Variants in BSX observed in about 807,000 individuals in gnomAD.
BSX encodes the protein brain specific homeobox, also known as brain-specific homeobox protein homolog.
In BSX, 12 loss-of-function variants were observed where a neutral mutation model predicts 16.9. The ratio of observed to expected loss-of-function variants is 0.71; its 90% CI spans 0.46 to 1.15. BSX has a LOEUF of 1.15. Ranked by LOEUF, BSX falls within the 50% of genes most tolerant of loss-of-function variation. The probability of loss-of-function intolerance (pLI) is 0.00; values close to 1 mark genes in which losing one functional copy is unlikely to be tolerated. For synonymous variants in BSX, 160 were observed against 136.4 expected (o/e 1.17, Z -1.20); for missense variants, 292 against 311.8 (o/e 0.94, Z 0.48).
intron 1 of BSX, among the ~76,000 whole-genome samples, chr11:122,979,995 T>TC (rs1487016156): frequency 6.6e-6 from 1 of 151,700 alleles, no homozygotes; most frequent in Non-Finnish European, 1.5e-5. Context: ...GCCACCCCTA[T>TC]CCCCCTGCAG....
chr11:122,980,962 T>C (rs1386101039), intron 1 of BSX, among the ~76,000 whole-genome samples: 1 of 152,116 alleles, frequency 6.6e-6, no homozygotes, highest in African/African-American at 2.4e-5. Context: ...AAAAAAGAGA[T>C]CTGGCCTGGA....
At chr11:122,981,295 G>T in intron 1 of BSX, 115 bp downstream of exon 1, 2 of 1,038,038 alleles carry the variant, frequency 1.9e-6, no homozygotes, top group Non-Finnish European at 1.4e-6. Context: ...AGGGAAAGAG[G>T]CCACCAAGCC....
At position 122,981,674 on chromosome 11, in the gene BSX, T is replaced by C. The variant is rs774368623; in HGVS notation, c.-3A>G. 2 of 1,565,304 alleles carry C rather than the reference T, an allele frequency of 1.3e-6. No individual in the cohort carries two copies. Among genetic ancestry groups the C allele is most frequent in the Admixed American group, 3.7e-5 (2 of 54,062 alleles). On this transcript the variant is annotated 5_prime_UTR_variant, in exon 1 of 3. Transcript: ENST00000343035. ...GGAGAGGTGAAGTTGAGATTCATCT[T>C]GAGCGGAGCACCTGCCACAGGACAA...
At position 122,979,456 on chromosome 11, in the gene BSX, C is replaced by T. The variant is rs769363288; in HGVS notation, c.264G>A (p.Gly88=). Residue 88 remains glycine, a splice_region_variant and synonymous_variant, in exon 2 of 3, where the codon GGG becomes GGA. Transcript: ENST00000343035. ...HHHPYFLTTS[G]MPVPALFPHP... ...GCGGGAACAGCGCTGGGACTGGCAT[C>T]CCTGCAGAGAGAAGAGCAACCAAGT... The T allele has an allele frequency of 1.2e-6, 2 of 1,609,760 alleles. No individual in the cohort carries two copies. Among genetic ancestry groups the T allele is most frequent in the Non-Finnish European group, 1.7e-6 (2 of 1,178,946 alleles).
Position 122,981,756 on chromosome 11 carries a change from C to A in BSX, c.-85G>T. 1 of 1,366,604 alleles carries A rather than the reference C, an allele frequency of 7.3e-7. No homozygotes were observed. Among genetic ancestry groups the A allele is most frequent in the Non-Finnish European group, 9.8e-7 (1 of 1,022,800 alleles). The allele number at this position is 1,366,604 out of a possible 1,614,324, so 84.7% of individuals were successfully genotyped here. On this transcript the variant is annotated 5_prime_UTR_variant, in exon 1 of 3. Coordinates refer to ENST00000343035, the MANE Select transcript of BSX (RefSeq NM_001098169.2). Reference sequence around the variant, plus strand: ...GTCTCCAAGCCTGCTCGAAAGCCGGCAACCACCCTCCGAGGCTCGAATCTC... The same window carrying A: ...GTCTCCAAGCCTGCTCGAAAGCCGGAAACCACCCTCCGAGGCTCGAATCTC...
At chr11:122,979,811 T>G (rs1350604931) in intron 1 of BSX, among the ~76,000 whole-genome samples, 1 of 152,140 alleles carries the variant, frequency 6.6e-6, no homozygotes, top group Non-Finnish European at 1.5e-5. Flanking sequence ...GAGTCTTCAG[T>G]TGCGCCTGGC....
In BSX at chr11:122,977,690, CA is replaced by C. The variant is rs770405773; in HGVS notation, c.660del (p.Ile220MetfsTer22). 2.5e-6 allele frequency: 4 copies of C among 1,612,310 alleles called. No individual in the cohort carries two copies. Among genetic ancestry groups the C allele is most frequent in the Non-Finnish European group, 3.4e-6 (4 of 1,179,834 alleles). On this transcript the variant is annotated frameshift_variant, in exon 3 of 3. Coordinates refer to ENST00000343035, the MANE Select transcript of BSX (RefSeq NM_001098169.2). LOFTEE classifies it high-confidence loss of function. The surrounding 1 kb of genome is among the most constrained non-coding windows in gnomAD (Gnocchi z 4.5). ...VLTEPEDEVDIGDEGELGSGP... is the reference protein window; with the variant it reads ...VLTEPEDEVDXGDEGELGSGP... ...CCTGAGCCCAGCTCCCCCTCGTCTCCAATGTCCACCTCGTCCTCTGGCTCGG... is the reference window on the plus strand; with the variant it reads ...CCTGAGCCCAGCTCCCCCTCGTCTCCATGTCCACCTCGTCCTCTGGCTCGG...
rs1864538433 is a variant in BSX at position 122,979,245 on chromosome 11, C to T, written c.459+16G>A. 2 of 1,604,092 alleles carry T rather than the reference C, an allele frequency of 1.2e-6. No individual in the cohort carries two copies. Among genetic ancestry groups the T allele is most frequent in the South Asian group, 2.2e-5 (2 of 90,088 alleles). On this transcript the variant is annotated intron_variant, in intron 2 of 2. Transcript: ENST00000343035. Reference sequence around the variant, plus strand: ...GAACGAAGCAGAGATCAGGGCCTCCCTCTCCTCCCGCCCACCTGCGTCTCG... The same window carrying T: ...GAACGAAGCAGAGATCAGGGCCTCCTTCTCCTCCCGCCCACCTGCGTCTCG...
At chr11:122,980,379 G>A (rs1864554536) in intron 1 of BSX, among the ~76,000 whole-genome samples, 1 of 152,168 alleles carries the variant, frequency 6.6e-6, no homozygotes, top group African/African-American at 2.4e-5. Flanking sequence ...TGTATGGGAG[G>A]ACCACCGGAG....
At chr11:122,980,002 G>C (rs952831233) in intron 1 of BSX, among the ~76,000 whole-genome samples, 2 of 152,072 alleles carry the variant, frequency 1.3e-5, no homozygotes, top group African/African-American at 4.8e-5. Context: ...CTATCCCCCT[G>C]CAGCCAAAGG....
chr11:122,979,579 G>T, intron 1 of BSX, 122 bp from the exon 2 acceptor site: 1 of 763,604 alleles, frequency 1.3e-6, no homozygotes, highest in Non-Finnish European at 2.0e-6. Context: ...CCGTCAGTCT[G>T]CTCGCCCCAA....
chr11:122,979,681 A>G (rs1286352566), intron 1 of BSX, among the ~76,000 whole-genome samples: 1 of 152,104 alleles, frequency 6.6e-6, no homozygotes, highest in African/African-American at 2.4e-5. Flanking sequence ...TTATCTGGAA[A>G]GTCATCTAGA....
chr11:122,978,023 T>C, intron 2 of BSX, 132 bp from the exon 3 acceptor site: 1 of 1,072,290 alleles, frequency 9.3e-7, no homozygotes, highest in Non-Finnish European at 1.4e-6. Flanking sequence ...TGCTCATAAG[T>C]TATCGCCTTA....
chr11:122,981,718 G>A lies in BSX; in HGVS notation c.-47C>T. The A allele has an allele frequency of 1.3e-6, 2 of 1,528,628 alleles. No individual in the cohort carries two copies. The highest frequency in any genetic ancestry group is 2.5e-5 in the South Asian group (2 of 78,764). The allele number at this position is 1,528,628 out of a possible 1,614,324, so 94.7% of individuals were successfully genotyped here. On this transcript the variant is annotated 5_prime_UTR_variant, in exon 1 of 3. Transcript: ENST00000343035. ...AGGACAAGGGCCGGGACGAAGTGGA[G>A]GACGCAGGCAGAGTCTCCAAGCCTG... is the stretch of plus-strand genomic sequence containing the variant.
At position 122,981,630 on chromosome 11, in the gene BSX, A is replaced by G. The variant is rs775804911; in HGVS notation, c.42T>C (p.Ser14=). The G allele has an allele frequency of 3.1e-6, 5 of 1,597,800 alleles. No individual in the cohort carries two copies. The Admixed American group carries it at 8.7e-5, about 28-fold the overall frequency. Residue 14 remains serine, a synonymous_variant, in exon 1 of 3, where the codon TCT becomes TCC. Coordinates refer to ENST00000343035, the MANE Select transcript of BSX (RefSeq NM_001098169.2). ...NFTSPLHPAS[S]QRPTSFFIED... is the part of the protein sequence containing the mutation. The stretch of plus-strand genomic sequence containing the variant: ...CGATGAAGAAGGATGTGGGCCTCTG[A>G]GAAGACGCCGGGTGTAGAGGAGAGG...
chr11:122,978,799 T>TCTTTTC lies in BSX; in HGVS notation c.459+461_459+462insGAAAAG, dbSNP rs750830173. Among the ~76,000 whole-genome samples the TCTTTTC allele has an allele frequency of 2.1e-3, 194 of 93,982 alleles. 12 individuals are homozygous for TCTTTTC. Among genetic ancestry groups the TCTTTTC allele is most frequent in the Non-Finnish European group, 2.4e-3 (127 of 52,392 alleles). The allele number at this position is 93,982 out of a possible 152,430, so 61.7% of individuals were successfully genotyped here. A position where few individuals can be genotyped will look rare whatever the true frequency, so the allele number is the denominator to read the frequency against. ...TTTTTTTTTTCTTTTTCTTTTCTTT[T>TCTTTTC]TTTTTTTTTTTTTTTTTTTTTTTTG... On this transcript the variant is annotated intron_variant, in intron 2 of 2. Transcript: ENST00000343035.
At chr11:122,980,793 A>G (rs1864559508) in intron 1 of BSX, among the ~76,000 whole-genome samples, 1 of 152,140 alleles carries the variant, frequency 6.6e-6, no homozygotes, top group South Asian at 2.1e-4. Flanking sequence ...CCAGACTAAG[A>G]TTGTGAGTTA....
chr11:122,977,706 C>G lies in BSX; in HGVS notation c.645G>C (p.Glu215Asp). The change falls in exon 3 of 3, where the codon GAG (glutamate) becomes GAC (aspartate). Residue 215 changes from glutamate to aspartate, a missense_variant. Physicochemically the swap from Glu to Asp is conservative, Grantham distance 45. Coordinates refer to ENST00000343035, the MANE Select transcript of BSX (RefSeq NM_001098169.2). This position sits in a 1 kb window ranked among gnomAD's most constrained non-coding sequence, Gnocchi z 4.5. ...PAGPFVLTEP[E>D]DEVDIGDEGE... ...CCTCGTCTCCAATGTCCACCTCGTC[C>G]TCTGGCTCGGTCAGCACGAAGGGAC... 2 of 1,612,982 alleles carry G rather than the reference C, an allele frequency of 1.2e-6. No individual in the cohort carries two copies. The highest frequency in any genetic ancestry group is 2.2e-5 in the East Asian group (1 of 44,868).
rs1864576933 is a variant in BSX at position 122,981,778 on chromosome 11, T to C, written c.-107A>G. On this transcript the variant is annotated 5_prime_UTR_variant, in exon 1 of 3. Transcript: ENST00000343035. ...CGGCAACCACCCTCCGAGGCTCGAA[T>C]CTCCGCTGCTCTCTCCCGGGCCTGG... 1.7e-6 allele frequency: 2 copies of C among 1,155,902 alleles called. No homozygotes were observed. Among genetic ancestry groups the C allele is most frequent in the Non-Finnish European group, 2.4e-6 (2 of 837,572 alleles). The allele number at this position is 1,155,902 out of a possible 1,614,324, so 71.6% of individuals were successfully genotyped here.
Sources: gnomAD v4.1 joint callset for allele counts (sites outside exome capture counted in the v4.1 genomes callset) on GRCh38, gnomAD v4.1.1 for gene constraint, Gnocchi (gnomAD v3.1) non-coding constraint, MANE v1.5 for transcripts, NCBI Gene and HGNC (gene_info 2026-07-23, HGNC 2026-07-21) for gene names.